RUNX2: variants seen among roughly 807,000 people sequenced by gnomAD.
RUNX2 encodes the protein runt-related transcription factor 2.
In RUNX2, 10 loss-of-function variants were observed where a neutral mutation model predicts 51.7. The ratio of observed to expected loss-of-function variants is 0.19; its 90% confidence interval spans 0.12 to 0.33. RUNX2 has a LOEUF of 0.33. RUNX2 is among the 10% of genes least tolerant of loss of function. The pLI, the probability that RUNX2 is intolerant of heterozygous loss-of-function variation, is 1.00. For missense variants in RUNX2, 562 were observed against 691.3 expected, an observed-to-expected ratio of 0.81 and a Z score of 2.10; for synonymous variants, 276 against 273.6, an observed-to-expected ratio of 1.01 and a Z score of -0.09.
chr6:45,528,817 A>C (rs1165590053), intron 7 of RUNX2, among the ~76,000 whole-genome samples: 1 of 152,220 alleles, frequency 6.6e-6, no homozygotes, highest in Non-Finnish European at 1.5e-5. Flanking sequence ...AAGTCAGTCC[A>C]GGTGAGAAAC....
intron 5 of RUNX2, among the ~76,000 whole-genome samples, chr6:45,443,064 T>TTTA (rs1798887626): frequency 1.1e-5 from 1 of 92,856 alleles, no homozygotes; most frequent in Admixed American, 1.2e-4. Context: ...TTTTTTTTTT[T>TTTA]GAGATGAGGT....
At chr6:45,409,680 A>G (rs1226454820) in intron 2 of RUNX2, among the ~76,000 whole-genome samples, 1 of 152,240 alleles carries the variant, frequency 6.6e-6, no homozygotes, top group African/African-American at 2.4e-5. Context: ...AGAAAGAATA[A>G]TAACACTTAA....
intron 2 of RUNX2, among the ~76,000 whole-genome samples, chr6:45,400,042 G>A (rs1021963434): frequency 2.6e-5 from 3 of 115,480 alleles, no homozygotes; most frequent in African/African-American, 8.5e-5. Context: ...GGGAAGGAAA[G>A]AAGGAAAGGA....
intron 7 of RUNX2, among the ~76,000 whole-genome samples, chr6:45,540,972 C>T (rs905979736): frequency 6.6e-6 from 1 of 152,178 alleles, no homozygotes; most frequent in Admixed American, 6.5e-5. Context: ...GCTTTGAATG[C>T]TCTTTAAAGA....
At chr6:45,511,539 G>T (rs928889302) in intron 6 of RUNX2, among the ~76,000 whole-genome samples, 2 of 152,126 alleles carry the variant, frequency 1.3e-5, no homozygotes, top group Non-Finnish European at 2.9e-5. Flanking sequence ...TTAAATTTTT[G>T]TCTTTTTCTT....
Position 45,428,703 on chromosome 6 carries a change from C to T in RUNX2, c.424-3160C>T, listed in dbSNP as rs114993117. On this transcript the variant is annotated intron_variant, in intron 3 of 8. Coordinates refer to ENST00000647337, the MANE Select transcript of RUNX2 (RefSeq NM_001024630.4). The stretch of plus-strand genomic sequence containing the variant: ...ATGTATGTATTTCACTCTTAGGGAT[C>T]TTTTCTTTCATATTTTCCCATATTG... 2.7e-3 allele frequency among the ~76,000 whole-genome samples: 418 copies of T among 152,124 alleles called. 3 individuals carry two copies. The highest frequency in any genetic ancestry group is 0.014 in the Middle Eastern group (4 of 292).
intron 2 of RUNX2, among the ~76,000 whole-genome samples, chr6:45,415,274 C>G (rs1252203936): frequency 6.6e-6 from 1 of 152,134 alleles, no homozygotes; most frequent in Non-Finnish European, 1.5e-5. Flanking sequence ...CTAGGAAGAA[C>G]TAAAAATAAC....
chr6:45,452,054 A>G (rs1019301509), intron 5 of RUNX2, among the ~76,000 whole-genome samples: 3 of 152,252 alleles, frequency 2.0e-5, no homozygotes, highest in African/African-American at 7.2e-5. Context: ...GAATAGGTGC[A>G]TTATTAATTT....
chr6:45,492,220 G>T, intron 6 of RUNX2, 106 bp downstream of exon 6: 1 of 1,047,846 alleles, frequency 9.5e-7, no homozygotes, highest in Non-Finnish European at 1.5e-6. Flanking sequence ...CTGTGAAGCG[G>T]CTTATTATTA....
intron 2 of RUNX2, chr6:45,365,319 A>G: frequency 6.4e-7 from 1 of 1,565,286 alleles, no homozygotes; most frequent in Non-Finnish European, 8.8e-7. Context: ...AAAAGGAGAA[A>G]TAAAGCTTAC....
At chr6:45,528,720 G>A (rs756797418) in intron 7 of RUNX2, among the ~76,000 whole-genome samples, 2 of 152,212 alleles carry the variant, frequency 1.3e-5, no homozygotes, top group Non-Finnish European at 2.9e-5. Context: ...TGGGCAGTGC[G>A]TGGCAACAGC....
chr6:45,393,526 T>A (rs1797517142), intron 2 of RUNX2, among the ~76,000 whole-genome samples: 1 of 151,872 alleles, frequency 6.6e-6, no homozygotes, highest in Non-Finnish European at 1.5e-5. Context: ...GCCTCCCAGG[T>A]TCAAGAGATT....
intron 7 of RUNX2, among the ~76,000 whole-genome samples, chr6:45,522,686 C>T (rs1005062608): frequency 1.3e-5 from 2 of 152,188 alleles, no homozygotes; most frequent in Non-Finnish European, 2.9e-5. Context: ...CTCCCATTGG[C>T]CCAGGGCCTG....
intron 2 of RUNX2, among the ~76,000 whole-genome samples, chr6:45,360,650 A>G (rs1312708350): frequency 6.6e-6 from 1 of 152,234 alleles, no homozygotes; most frequent in Non-Finnish European, 1.5e-5. Context: ...AAGCTCTAGT[A>G]CACTGCAGCA....
intron 6 of RUNX2, among the ~76,000 whole-genome samples, chr6:45,499,536 T>A (rs767632418): frequency 2.0e-4 from 30 of 152,200 alleles, no homozygotes; most frequent in Non-Finnish European, 3.1e-4. Flanking sequence ...GTTAGCAGTA[T>A]CCACAGATGA....
At chr6:45,400,734 A>G (rs1469455458) in intron 2 of RUNX2, among the ~76,000 whole-genome samples, 2 of 152,216 alleles carry the variant, frequency 1.3e-5, no homozygotes, top group African/African-American at 2.4e-5. Flanking sequence ...TTATTGAAAG[A>G]CACCATCTTC....
intron 6 of RUNX2, among the ~76,000 whole-genome samples, chr6:45,510,082 T>A (rs1801096858): frequency 1.3e-5 from 2 of 152,238 alleles, no homozygotes; most frequent in South Asian, 4.1e-4. Flanking sequence ...TTACCGTTTC[T>A]CTGAATACTG....
chr6:45,414,176 G>C (rs1798012968), intron 2 of RUNX2, among the ~76,000 whole-genome samples: 2 of 152,092 alleles, frequency 1.3e-5, no homozygotes, highest in African/African-American at 4.8e-5. Flanking sequence ...GAAGGTAATG[G>C]GCTGTAATAG....
intron 2 of RUNX2, among the ~76,000 whole-genome samples, chr6:45,387,874 G>A (rs1420484708): frequency 3.3e-5 from 5 of 152,154 alleles, no homozygotes; most frequent in South Asian, 4.1e-4. Flanking sequence ...GAAGGTAATC[G>A]TTGGCAAAAC....
Sources: gnomAD v4.1 joint callset for allele counts (sites outside exome capture counted in the v4.1 genomes callset) on GRCh38, gnomAD v4.1.1 for gene constraint, MANE v1.5 for transcripts, NCBI Gene and HGNC (gene_info 2026-07-23, HGNC 2026-07-21) for gene names.